The following CARS1 variants were observed in gnomAD, a reference collection of about 807,000 sequenced individuals.
CARS1 encodes cysteinyl-tRNA synthetase 1.
CARS1 carries 48 observed loss-of-function variants against 106.2 expected under a neutral mutation model. That is an observed-to-expected ratio of 0.45 (90% CI 0.36 to 0.57). The LOEUF (loss-of-function observed/expected upper bound fraction) is 0.57, where lower values mean the gene tolerates loss of function less well. CARS1 is among the 20% of genes least tolerant of loss of function. The pLI is 0.00. For synonymous variants in CARS1, 409 were observed against 403.4 expected, an observed-to-expected ratio of 1.01 and a Z score of -0.17; for missense variants, 968 against 1,057.2, an observed-to-expected ratio of 0.92 and a Z score of 1.17.
chr11:3,005,688 A>G (rs1375373149), intron 19 of CARS1, among the ~76,000 whole-genome samples: 6 of 146,058 alleles, frequency 4.1e-5, no homozygotes, highest in Non-Finnish European at 7.4e-5. Context: ...GCTGGAGTGC[A>G]GTGGCACGAT....
chr11:3,046,405 G>T lies in CARS1; in HGVS notation c.274+1348C>A, dbSNP rs913025345. 6.6e-6 allele frequency among the ~76,000 whole-genome samples: 1 copy of T among 152,140 alleles called. No individual in the cohort carries two copies. Among genetic ancestry groups the T allele is most frequent in the Non-Finnish European group, 1.5e-5 (1 of 68,024 alleles). Reference sequence around the variant, plus strand: ...TGACACCCGAGCCCTTGGAGAGAAGGCACCTCACAGCACAGGTGTCACTTG... The same window carrying T: ...TGACACCCGAGCCCTTGGAGAGAAGTCACCTCACAGCACAGGTGTCACTTG... On this transcript the variant is annotated intron_variant, in intron 2 of 22. Coordinates refer to ENST00000380525, the MANE Select transcript of CARS1 (RefSeq NM_001014437.3). The surrounding 1 kb of genome is among the most constrained non-coding windows in gnomAD (Gnocchi z 5.8).
Position 3,029,199 on chromosome 11 carries a change from A to G in CARS1, c.942+104T>C. On this transcript the variant is annotated intron_variant, in intron 8 of 22. Transcript: ENST00000380525. This position sits in a 1 kb window ranked among gnomAD's most constrained non-coding sequence, Gnocchi z 5.9. ...CATTATGCCCCTCAACTCAAGTTCA[A>G]TGTTGACTTGGCCGCTTAATTGAGC... 4 of 1,470,690 alleles carry G rather than the reference A, an allele frequency of 2.7e-6. No homozygotes were observed. In the South Asian group the frequency reaches 4.6e-5, roughly 17 times the overall value. 91.1% of individuals were successfully genotyped at this position (1,470,690 alleles called of 1,614,324 possible).
chr11:3,009,241 T>C (rs1256866112), intron 18 of CARS1: 1 of 152,140 alleles, frequency 6.6e-6, no homozygotes, highest in Non-Finnish European at 1.5e-5. Flanking sequence ...CATCCATCCA[T>C]GGAATATGAT....
intron 1 of CARS1, among the ~76,000 whole-genome samples, chr11:3,049,204 T>C (rs563460716): frequency 4.8e-4 from 73 of 152,260 alleles, no homozygotes; most frequent in African/African-American, 1.7e-3. Context: ...AGCCTCAAAA[T>C]GCTGGGCTCA....
In CARS1 at chr11:3,037,811, G is replaced by A. The variant is rs1046552216; in HGVS notation, c.801+239C>T. On this transcript the variant is annotated intron_variant, in intron 7 of 22. Transcript: ENST00000380525. The surrounding 1 kb of genome is among the most constrained non-coding windows in gnomAD (Gnocchi z 5.9). ...GAAGTGGTGGGAGGGTGTGGATCCC[G>A]AGTCTCCTTCCAGTGGCACAGGCTC... Among the ~76,000 whole-genome samples the A allele has an allele frequency of 2.6e-5, 4 of 152,038 alleles. No individual in the cohort carries two copies. The highest frequency in any genetic ancestry group is 4.8e-5 in the African/African-American group (2 of 41,400).
Position 3,021,806 on chromosome 11 carries a change from G to A in CARS1, c.1154-1474C>T, listed in dbSNP as rs903631855. ...GCTGTCCTGGCTTCCTTCTACCTCC[G>A]CACTGTTCTGCCACTGACAATTCCG... On this transcript the variant is annotated intron_variant, in intron 10 of 22. Coordinates refer to ENST00000380525, the MANE Select transcript of CARS1 (RefSeq NM_001014437.3). The surrounding 1 kb of genome is among the most constrained non-coding windows in gnomAD (Gnocchi z 5.3). 6.6e-6 allele frequency among the ~76,000 whole-genome samples: 1 copy of A among 152,106 alleles called. No individual in the cohort carries two copies. The highest frequency in any genetic ancestry group is 6.5e-5 in the Admixed American group (1 of 15,272).
chr11:3,049,170 A>G (rs1295160607), intron 1 of CARS1, among the ~76,000 whole-genome samples: 1 of 151,618 alleles, frequency 6.6e-6, no homozygotes, highest in Non-Finnish European at 1.5e-5. Flanking sequence ...GCTGGAGTGC[A>G]GTGGTGCAAT....
chr11:3,026,907 C>T (rs1487866542), intron 9 of CARS1, 110 bp from the exon 10 acceptor site: 1 of 1,244,612 alleles, frequency 8.0e-7, no homozygotes, highest in East Asian at 2.4e-5. Context: ...AAATCTGTGG[C>T]CTATCTACTC....
In CARS1 at chr11:3,045,522, C is replaced by T. The variant is rs1297765556; in HGVS notation, c.274+2231G>A. 6.6e-6 allele frequency among the ~76,000 whole-genome samples: 1 copy of T among 152,218 alleles called. No homozygotes were observed. The highest frequency in any genetic ancestry group is 1.5e-5 in the Non-Finnish European group (1 of 68,042). Reference sequence around the variant, plus strand: ...CTCGTGATCCGCCCGCCTTGGCCTCCCAAAGTGCTGGGATTACAGGAGTGA... The same window carrying T: ...CTCGTGATCCGCCCGCCTTGGCCTCTCAAAGTGCTGGGATTACAGGAGTGA... On this transcript the variant is annotated intron_variant, in intron 2 of 22. Transcript: ENST00000380525. The surrounding 1 kb of genome is among the most constrained non-coding windows in gnomAD (Gnocchi z 5.6).
At chr11:3,012,114 A>G (rs540276895) in intron 18 of CARS1, 81 bp downstream of exon 18, 3 of 1,269,504 alleles carry the variant, frequency 2.4e-6, no homozygotes, top group South Asian at 2.4e-5. Context: ...TGAACGCCAT[A>G]GTGCCTCGGG....
intron 17 of CARS1, among the ~76,000 whole-genome samples, chr11:3,015,098 A>G (rs1300328533): frequency 6.6e-6 from 1 of 152,192 alleles, no homozygotes; most frequent in East Asian, 1.9e-4. Context: ...GAAGGACAGG[A>G]CTGACAGTGT....
Position 3,017,225 on chromosome 11 carries a change from C to T in CARS1, c.1798G>A (p.Glu600Lys). Residue 600 changes from glutamate (E) to lysine (K), a missense_variant, in exon 16 of 23, where the codon GAG becomes AAG. Coordinates refer to ENST00000380525, the MANE Select transcript of CARS1 (RefSeq NM_001014437.3). This position sits in a 1 kb window ranked among gnomAD's most constrained non-coding sequence, Gnocchi z 4.9. ...DNVDTRTVME[E>K]MRALVSQCNL... ...CACTGACTGACCAAGGCCCGCATCT[C>T]TTCCATGACGGTGCGGGTGTCAACA... is the stretch of plus-strand genomic sequence containing the variant. 6.2e-7 allele frequency: 1 copy of T among 1,614,148 alleles called. No homozygotes were observed. Among genetic ancestry groups the T allele is most frequent in the Non-Finnish European group, 8.5e-7 (1 of 1,179,982 alleles).
In CARS1 at chr11:3,046,496, G is replaced by A. The variant is rs967505226; in HGVS notation, c.274+1257C>T. On this transcript the variant is annotated intron_variant, in intron 2 of 22. Transcript: ENST00000380525. The surrounding 1 kb of genome is among the most constrained non-coding windows in gnomAD (Gnocchi z 5.8). ...GGAAGGACGTGACCTGCACAGCAAC[G>A]GCCTCTGCCCTACGCTGGGGAAGGA... Among the ~76,000 whole-genome samples, 2 of 152,194 alleles carry A rather than the reference G, an allele frequency of 1.3e-5. No homozygotes were observed. Among genetic ancestry groups the A allele is most frequent in the African/African-American group, 4.8e-5 (2 of 41,452 alleles).
In CARS1 at chr11:3,003,559, C is replaced by T. The variant is rs1849591616; in HGVS notation, c.2218-959G>A. Among the ~76,000 whole-genome samples the T allele has an allele frequency of 6.6e-6, 1 of 152,072 alleles. No homozygotes were observed. Among genetic ancestry groups the T allele is most frequent in the Non-Finnish European group, 1.5e-5 (1 of 68,026 alleles). On this transcript the variant is annotated intron_variant, in intron 20 of 22. Coordinates refer to ENST00000380525, the MANE Select transcript of CARS1 (RefSeq NM_001014437.3). The surrounding 1 kb of genome is among the most constrained non-coding windows in gnomAD (Gnocchi z 4.8). The stretch of plus-strand genomic sequence containing the variant: ...TAAGGTCTCCTGGGGAGGCGCCACA[C>T]ACAGAGCTAGGGAAAAGAAACCAGG...
intron 10 of CARS1, among the ~76,000 whole-genome samples, chr11:3,025,121 C>T (rs1038392591): frequency 6.6e-6 from 1 of 152,166 alleles, no homozygotes; most frequent in African/African-American, 2.4e-5. Flanking sequence ...ATCACAAACC[C>T]GCCCCTCTAC....
Position 3,040,642 on chromosome 11 carries a change from A to G in CARS1, c.455+254T>C, listed in dbSNP as rs892020396. 1 of 666,296 alleles carries G rather than the reference A, an allele frequency of 1.5e-6. No homozygotes were observed. The highest frequency in any genetic ancestry group is 2.8e-6 in the Non-Finnish European group (1 of 363,384). The allele number at this position is 666,296 out of a possible 1,614,324, so 41.3% of individuals were successfully genotyped here. On this transcript the variant is annotated intron_variant, in intron 4 of 22. Coordinates refer to ENST00000380525, the MANE Select transcript of CARS1 (RefSeq NM_001014437.3). This position sits in a 1 kb window ranked among gnomAD's most constrained non-coding sequence, Gnocchi z 5.8. ...AAAAAGTGCCCAGGTCGAGTCCAGCATGTTAGCAGTGGGGCTATGGACATT... is the reference window on the plus strand; with the variant it reads ...AAAAAGTGCCCAGGTCGAGTCCAGCGTGTTAGCAGTGGGGCTATGGACATT...
In CARS1 at chr11:3,017,817, G is replaced by T. The variant is rs1406249759; in HGVS notation, c.1727+40C>A. On this transcript the variant is annotated intron_variant, in intron 15 of 22. Transcript: ENST00000380525. The surrounding 1 kb of genome is among the most constrained non-coding windows in gnomAD (Gnocchi z 4.9). ...AGATGCGAGGCTAGGCATAGAACAT[G>T]GGCATGCTCAAAAACCCCAAAGAAA... 1 of 1,354,536 alleles carries T rather than the reference G, an allele frequency of 7.4e-7. No homozygotes were observed. Among genetic ancestry groups the T allele is most frequent in the South Asian group, 1.2e-5 (1 of 85,366 alleles). 83.9% of individuals were successfully genotyped at this position (1,354,536 alleles called of 1,614,324 possible).
intron 17 of CARS1, 88 bp from the exon 18 acceptor site, chr11:3,012,364 G>A: frequency 8.8e-7 from 1 of 1,130,688 alleles, no homozygotes; most frequent in Non-Finnish European, 1.3e-6. Context: ...GCGACACAGG[G>A]CAGGGACTGG....
chr11:3,005,107 C>CAAAAA (rs71035465), intron 20 of CARS1, among the ~76,000 whole-genome samples: 1 of 90,678 alleles, frequency 1.1e-5, no homozygotes, highest in Non-Finnish European at 2.1e-5. Flanking sequence ...GACTCCGTCT[C>CAAAAA]AAAAAAAAAA....
Sources: allele counts gnomAD v4.1 joint callset (sites outside exome capture counted in the v4.1 genomes callset), GRCh38; gene constraint gnomAD v4.1.1; non-coding constraint Gnocchi (gnomAD v3.1); transcripts MANE v1.5; gene names NCBI Gene and HGNC (gene_info 2026-07-23, HGNC 2026-07-21).